ST8SIA6: variants seen among roughly 807,000 people sequenced by gnomAD.
ST8SIA6 encodes ST8 alpha-N-acetyl-neuraminide alpha-2,8-sialyltransferase 6, also known as alpha-2,8-sialyltransferase 8F.
ST8SIA6 carries 39 observed loss-of-function variants against 33.6 expected under a neutral mutation model. That is an observed-to-expected ratio of 1.16 (90% confidence interval 0.90 to 1.52). ST8SIA6 has a LOEUF of 1.52. Ranked by LOEUF, ST8SIA6 falls within the 40% of genes most tolerant of loss-of-function variation. ST8SIA6 has a pLI of 0.00. For missense variants in ST8SIA6, 441 were observed against 443.8 expected (o/e 0.99, Z 0.06); for synonymous variants, 172 against 167.2 (o/e 1.03, Z -0.22).
intron 3 of ST8SIA6, among the ~76,000 whole-genome samples, chr10:17,366,440 T>C (rs1849561221): frequency 6.6e-6 from 1 of 151,946 alleles, no homozygotes; most frequent in South Asian, 2.1e-4. Flanking sequence ...CCAGGCATCC[T>C]TTTCTTTTTT....
Position 17,454,268 on chromosome 10 carries a change from G to GCGCCGC in ST8SIA6, c.-19_-14dup. The GCGCCGC allele has an allele frequency of 4.6e-6, 1 of 216,756 alleles. No homozygotes were observed. Among genetic ancestry groups the GCGCCGC allele is most frequent in the Non-Finnish European group, 8.9e-6 (1 of 111,908 alleles). The allele number at this position is 216,756 out of a possible 1,614,324, so 13.4% of individuals were successfully genotyped here. A position where few individuals can be genotyped will look rare whatever the true frequency, so the allele number is the denominator to read the frequency against. ...CCCCCGGCCGCATCCTGAGCCACAG[G>GCGCCGC]CGCCGCCGCCACCGCTGCTGCCGGG... On this transcript the variant is annotated 5_prime_UTR_variant, in exon 1 of 8. Coordinates refer to ENST00000377602, the MANE Select transcript of ST8SIA6 (RefSeq NM_001004470.3). The surrounding 1 kb of genome is among the most constrained non-coding windows in gnomAD (Gnocchi z 4.1).
At chr10:17,336,736 G>A (rs1281843584) in intron 4 of ST8SIA6, among the ~76,000 whole-genome samples, 1 of 151,504 alleles carries the variant, frequency 6.6e-6, no homozygotes, top group African/African-American at 2.4e-5. Context: ...TGTGATTACA[G>A]GTGCCCGCCA....
At chr10:17,381,233 TGA>T (rs1455766870) in intron 3 of ST8SIA6, among the ~76,000 whole-genome samples, 1 of 152,186 alleles carries the variant, frequency 6.6e-6, no homozygotes, top group Non-Finnish European at 1.5e-5. Context: ...TTTTGCTATT[TGA>T]TTTTCATCTG....
chr10:17,361,215 T>C (rs111671271), intron 3 of ST8SIA6, among the ~76,000 whole-genome samples: 250 of 152,060 alleles, frequency 1.6e-3, no homozygotes, highest in Middle Eastern at 3.4e-3. Context: ...TTCAATGAGA[T>C]GAAAAGCTTG....
At chr10:17,378,911 G>A (rs557243956) in intron 3 of ST8SIA6, among the ~76,000 whole-genome samples, 277 of 152,198 alleles carry the variant, frequency 1.8e-3, no homozygotes, top group African/African-American at 6.4e-3. Flanking sequence ...CGGATCATGA[G>A]GTCAGGAGAT....
chr10:17,425,341 G>T (rs925506528), intron 2 of ST8SIA6, among the ~76,000 whole-genome samples: 1 of 152,042 alleles, frequency 6.6e-6, no homozygotes, highest in Non-Finnish European at 1.5e-5. Context: ...GGCCGAGGAG[G>T]CTGAATCACC....
chr10:17,412,696 T>C (rs1432642747), intron 2 of ST8SIA6, among the ~76,000 whole-genome samples: 5 of 152,184 alleles, frequency 3.3e-5, no homozygotes, highest in Admixed American at 3.3e-4. Flanking sequence ...CAGGAATGGG[T>C]AAATATCTGT....
chr10:17,427,029 C>T (rs1307679633), intron 2 of ST8SIA6, among the ~76,000 whole-genome samples: 2 of 149,866 alleles, frequency 1.3e-5, no homozygotes, highest in African/African-American at 4.9e-5. Context: ...AGCTTGAACC[C>T]GGAGGCGGAG....
chr10:17,376,597 T>C (rs45565435), intron 3 of ST8SIA6, among the ~76,000 whole-genome samples: 1,658 of 152,312 alleles, frequency 0.011, 16 homozygotes, highest in Non-Finnish European at 0.019. Context: ...AATCATTTCA[T>C]TTATCTGAGG....
chr10:17,449,104 T>C (rs574322292), intron 2 of ST8SIA6, among the ~76,000 whole-genome samples: 2 of 150,438 alleles, frequency 1.3e-5, no homozygotes, highest in African/African-American at 2.5e-5. Flanking sequence ...ATATAGAAAC[T>C]GAAGAAATGA....
At position 17,320,841 on chromosome 10, in the gene ST8SIA6, A is replaced by G. The variant is rs112515994; in HGVS notation, c.*37T>C. 3 of 1,593,854 alleles carry G rather than the reference A, an allele frequency of 1.9e-6. No individual in the cohort carries two copies. In the African/African-American group the frequency reaches 4.0e-5, roughly 21 times the overall value. On this transcript the variant is annotated 3_prime_UTR_variant, in exon 8 of 8. Transcript: ENST00000377602. ...GGAGACATTGTTAATCACCTACTGC[A>G]TTATATTAAAATTATTCCCATTTTA...
chr10:17,365,076 C>A (rs1849515209), intron 3 of ST8SIA6, among the ~76,000 whole-genome samples: 1 of 151,972 alleles, frequency 6.6e-6, no homozygotes, highest in Non-Finnish European at 1.5e-5. Flanking sequence ...AAAATTAATC[C>A]CATCAGAAAT....
intron 2 of ST8SIA6, among the ~76,000 whole-genome samples, chr10:17,431,914 G>A (rs1360630316): frequency 1.3e-5 from 2 of 152,104 alleles, no homozygotes; most frequent in Non-Finnish European, 2.9e-5. Flanking sequence ...GGTGTCATAT[G>A]GTGAAAAGTG....
At chr10:17,341,653 C>A (rs563510444) in intron 4 of ST8SIA6, among the ~76,000 whole-genome samples, 1 of 151,964 alleles carries the variant, frequency 6.6e-6, no homozygotes, top group African/African-American at 2.4e-5. Context: ...GTAATCCCAG[C>A]GCTTTGGGAG....
intron 3 of ST8SIA6, among the ~76,000 whole-genome samples, chr10:17,380,985 T>G (rs552006142): frequency 6.6e-4 from 92 of 140,174 alleles, no homozygotes; most frequent in African/African-American, 2.4e-3. Flanking sequence ...TTTTGAGGGG[T>G]TTTTTTTGTT....
At chr10:17,369,183 C>T (rs1849655581) in intron 3 of ST8SIA6, among the ~76,000 whole-genome samples, 1 of 152,076 alleles carries the variant, frequency 6.6e-6, no homozygotes, top group Non-Finnish European at 1.5e-5. Flanking sequence ...TCATCGCAGT[C>T]AATTTTACAA....
At chr10:17,453,445 A>G (rs1228186414) in intron 2 of ST8SIA6, 114 bp downstream of exon 2, 6 of 762,266 alleles carry the variant, frequency 7.9e-6, no homozygotes, top group Non-Finnish European at 9.0e-6. Flanking sequence ...TCTTACACTC[A>G]CTCGCGCCGT....
intron 3 of ST8SIA6, among the ~76,000 whole-genome samples, chr10:17,362,932 G>C (rs193245870): frequency 6.6e-6 from 1 of 152,000 alleles, no homozygotes; most frequent in Non-Finnish European, 1.5e-5. Flanking sequence ...GGCTGATCTC[G>C]AACTCCTGAC....
At chr10:17,384,554 T>C (rs75314980) in intron 3 of ST8SIA6, among the ~76,000 whole-genome samples, 2,020 of 152,348 alleles carry the variant, frequency 0.013, 23 homozygotes, top group Non-Finnish European at 0.022. Context: ...TCTTGCCTAA[T>C]GTTTTCTTTT....
Sources: gnomAD v4.1 joint callset for allele counts (sites outside exome capture counted in the v4.1 genomes callset) on GRCh38, gnomAD v4.1.1 for gene constraint, Gnocchi (gnomAD v3.1) non-coding constraint, MANE v1.5 for transcripts, NCBI Gene and HGNC (gene_info 2026-07-23, HGNC 2026-07-21) for gene names.